The following GREM2 variants were observed in gnomAD, a reference collection of about 807,000 sequenced individuals.
The protein encoded by GREM2 is gremlin 2, DAN family BMP antagonist.
Under a neutral mutation model 14.2 loss-of-function variants are expected in GREM2, and 11 were observed. The observed-to-expected ratio is 0.78, with a 90% confidence interval of 0.49 to 1.28. GREM2 has a LOEUF of 1.28. Among genes scored for constraint, GREM2 ranks in the 50% most tolerant of loss-of-function variants. The pLI is 0.00. For missense variants in GREM2, 210 were observed against 218.5 expected, an observed-to-expected ratio of 0.96 and a Z score of 0.24; for synonymous variants, 98 against 97.6, an observed-to-expected ratio of 1.00 and a Z score of -0.02.
At chr1:240,550,951 A>G (rs1414470883) in intron 1 of GREM2, among the ~76,000 whole-genome samples, 2 of 152,212 alleles carry the variant, frequency 1.3e-5, no homozygotes, top group African/African-American at 4.8e-5. Context: ...ACCAGTTAGG[A>G]TGGAAACTTG....
At chr1:240,541,878 G>C (rs997764397) in intron 1 of GREM2, among the ~76,000 whole-genome samples, 1 of 152,154 alleles carries the variant, frequency 6.6e-6, no homozygotes, top group African/African-American at 2.4e-5. Context: ...TGAGTGCAGA[G>C]AATCCAGAAT....
chr1:240,500,300 ATCT>A, intron 1 of GREM2, among the ~76,000 whole-genome samples: 1 of 140,840 alleles, frequency 7.1e-6, no homozygotes, highest in East Asian at 2.1e-4. Flanking sequence ...TGTGTGGATA[ATCT>A]TTTTTTTTTT....
chr1:240,514,965 CA>C (rs10710781), intron 1 of GREM2, among the ~76,000 whole-genome samples: 98,906 of 150,946 alleles, frequency 0.66, 32,557 homozygotes, highest in East Asian at 0.86. Context: ...CAAACAAACA[CA>C]AAAAAAAAAC....
chr1:240,548,818 C>T (rs958768581), intron 1 of GREM2, among the ~76,000 whole-genome samples: 1 of 151,984 alleles, frequency 6.6e-6, no homozygotes, highest in Non-Finnish European at 1.5e-5. Context: ...AAAAGGAAAA[C>T]GAACAACCTT....
intron 1 of GREM2, among the ~76,000 whole-genome samples, chr1:240,600,576 C>G (rs1294121507): frequency 2.0e-5 from 3 of 152,022 alleles, no homozygotes; most frequent in Non-Finnish European, 4.4e-5. Context: ...CTCCACCTCC[C>G]AGGCTCAAGC....
chr1:240,585,238 G>A (rs1030209459), intron 1 of GREM2, among the ~76,000 whole-genome samples: 8 of 152,182 alleles, frequency 5.3e-5, no homozygotes, highest in South Asian at 2.1e-4. Flanking sequence ...GGAAGGTCCC[G>A]AGGGTGCAGT....
chr1:240,534,763 G>A (rs1332502276), intron 1 of GREM2, among the ~76,000 whole-genome samples: 1 of 152,042 alleles, frequency 6.6e-6, no homozygotes, highest in Non-Finnish European at 1.5e-5. Flanking sequence ...TAAAATGCAG[G>A]AGACTAGTTA....
At chr1:240,582,545 C>T (rs773333744) in intron 1 of GREM2, among the ~76,000 whole-genome samples, 19 of 152,136 alleles carry the variant, frequency 1.2e-4, no homozygotes, top group African/African-American at 4.1e-4. Flanking sequence ...CCTATAATCT[C>T]AGCACTTTGG....
chr1:240,510,205 T>C (rs1464798148), intron 1 of GREM2, among the ~76,000 whole-genome samples: 1 of 151,306 alleles, frequency 6.6e-6, no homozygotes, highest in African/African-American at 2.4e-5. Flanking sequence ...CCGTCTCCAC[T>C]AAAAATACAA....
rs1486848169 is a variant in GREM2 at position 240,490,853 on chromosome 1, AC to A, written c.*2115del. 1.3e-5 allele frequency: 2 copies of A among 151,596 alleles called. No individual in the cohort carries two copies. Among genetic ancestry groups the A allele is most frequent in the Non-Finnish European group, 2.9e-5 (2 of 67,918 alleles). The allele number at this position is 151,596 out of a possible 1,614,324, so 9.4% of individuals were successfully genotyped here. A position where few individuals can be genotyped will look rare whatever the true frequency, so the allele number is the denominator to read the frequency against. On this transcript the variant is annotated 3_prime_UTR_variant, in exon 2 of 2. Coordinates refer to ENST00000318160, the MANE Select transcript of GREM2 (RefSeq NM_022469.4). ...CTCTCCTCCACTCACCTCCCAATCCACCCCTAGCCTCCATTACAATCACGTA... is the reference window on the plus strand; with the variant it reads ...CTCTCCTCCACTCACCTCCCAATCCACCCTAGCCTCCATTACAATCACGTA...
At chr1:240,529,717 A>G (rs963867282) in intron 1 of GREM2, among the ~76,000 whole-genome samples, 1 of 152,186 alleles carries the variant, frequency 6.6e-6, no homozygotes, top group African/African-American at 2.4e-5. Flanking sequence ...TGAGCATATT[A>G]GTGCTATAAG....
chr1:240,527,969 AT>A lies in GREM2; in HGVS notation c.-1-34494del, dbSNP rs537348893. ...AATTATAGAAAGAAAATAAAAAAGGATTAAATAGAAAATCCAGATAATAATT... is the reference window on the plus strand; with the variant it reads ...AATTATAGAAAGAAAATAAAAAAGGATAAATAGAAAATCCAGATAATAATT... On this transcript the variant is annotated intron_variant, in intron 1 of 1. Transcript: ENST00000318160. Among the ~76,000 whole-genome samples the A allele has an allele frequency of 1.7e-4, 26 of 152,326 alleles. 1 individual carries two copies. In the East Asian group the frequency reaches 5.0e-3, roughly 29 times the overall value.
intron 1 of GREM2, among the ~76,000 whole-genome samples, chr1:240,608,489 C>G (rs574974389): frequency 2.0e-5 from 3 of 152,140 alleles, no homozygotes; most frequent in Non-Finnish European, 4.4e-5. Context: ...AGAGAAGCAG[C>G]TAGTTTTCCA....
In GREM2 at chr1:240,540,569, T is replaced by G. The variant is rs1427721584; in HGVS notation, c.-1-47093A>C. The stretch of plus-strand genomic sequence containing the variant: ...AAGTCAAAAGAAGAATGGTACTTCT[T>G]TTTTTTTTTTTTGAGATGGAGTCTC... On this transcript the variant is annotated intron_variant, in intron 1 of 1. Coordinates refer to ENST00000318160, the MANE Select transcript of GREM2 (RefSeq NM_022469.4). The surrounding 1 kb of genome is among the most constrained non-coding windows in gnomAD (Gnocchi z 4.2). 6.8e-6 allele frequency among the ~76,000 whole-genome samples: 1 copy of G among 146,028 alleles called. No homozygotes were observed. The highest frequency in any genetic ancestry group is 2.5e-5 in the African/African-American group (1 of 40,320).
chr1:240,573,879 C>G (rs190265503), intron 1 of GREM2, among the ~76,000 whole-genome samples: 3 of 152,132 alleles, frequency 2.0e-5, no homozygotes, highest in Non-Finnish European at 4.4e-5. Context: ...GACTGGAATC[C>G]AGGAATGAGT....
At chr1:240,574,967 C>T (rs1191766632) in intron 1 of GREM2, among the ~76,000 whole-genome samples, 2 of 151,840 alleles carry the variant, frequency 1.3e-5, no homozygotes, top group East Asian at 3.9e-4. Flanking sequence ...ATTAGCTGGG[C>T]GTGTTGGCGT....
At chr1:240,553,292 G>A (rs747209850) in intron 1 of GREM2, among the ~76,000 whole-genome samples, 1 of 152,196 alleles carries the variant, frequency 6.6e-6, no homozygotes, top group Non-Finnish European at 1.5e-5. Context: ...AGTGTGGAAA[G>A]CTAAGCTATT....
chr1:240,529,244 T>C (rs1314904587), intron 1 of GREM2, among the ~76,000 whole-genome samples: 2 of 149,902 alleles, frequency 1.3e-5, no homozygotes, highest in African/African-American at 2.4e-5. Flanking sequence ...ATAGGCTTTT[T>C]TTTTTTTTTT....
intron 1 of GREM2, among the ~76,000 whole-genome samples, chr1:240,573,411 C>A (rs1477384453): frequency 6.6e-6 from 1 of 152,118 alleles, no homozygotes; most frequent in Non-Finnish European, 1.5e-5. Flanking sequence ...TAGAACTCTA[C>A]ACAGCATTAT....
Sources: allele counts gnomAD v4.1 joint callset (sites outside exome capture counted in the v4.1 genomes callset), GRCh38; gene constraint gnomAD v4.1.1; non-coding constraint Gnocchi (gnomAD v3.1); transcripts MANE v1.5; gene names NCBI Gene and HGNC (gene_info 2026-07-23, HGNC 2026-07-21).